Variants in SERPINI2 observed in about 807,000 individuals in gnomAD.
The protein encoded by SERPINI2 is serpin family I member 2.
A neutral mutation model predicts 47.3 loss-of-function variants in SERPINI2; 48 were observed. The ratio of observed to expected loss-of-function variants is 1.02; its 90% CI spans 0.81 to 1.29. The LOEUF is 1.29. SERPINI2 is among the 50% of genes most tolerant of loss of function. SERPINI2 has a pLI of 0.00. For missense variants in SERPINI2, 448 were observed against 456.9 expected (o/e 0.98, Z 0.18); for synonymous variants, 135 against 149.3 (o/e 0.90, Z 0.70).
At chr3:167,444,355 A>T (rs1217118244) in intron 8 of SERPINI2, among the ~76,000 whole-genome samples, 1 of 152,178 alleles carries the variant, frequency 6.6e-6, no homozygotes, top group Non-Finnish European at 1.5e-5. Flanking sequence ...GAAAATCCAA[A>T]TAATGGCTAG....
At position 167,470,550 on chromosome 3, in the gene SERPINI2, C is replaced by CTTTTTTTTTTTTTTT. The variant is rs536884425; in HGVS notation, c.247+1023_247+1037dup. Reference sequence around the variant, plus strand: ...AGATAGCTGAGGAGATGAGCAACAACTTTTTTTTTTTTTTTTTTTTTTTTT... The same window carrying CTTTTTTTTTTTTTTT: ...AGATAGCTGAGGAGATGAGCAACAACTTTTTTTTTTTTTTTTTTTTTTTTTTTTTTTTTTTTTTTT... On this transcript the variant is annotated intron_variant, in intron 2 of 8. Coordinates refer to ENST00000264677, the Ensembl canonical transcript of SERPINI2. Among the ~76,000 whole-genome samples, 90 of 93,030 alleles carry CTTTTTTTTTTTTTTT rather than the reference C, an allele frequency of 9.7e-4. 11 individuals carry two copies. The highest frequency in any genetic ancestry group is 4.9e-3 in the African/African-American group (87 of 17,620). 61.0% of individuals were successfully genotyped at this position (93,030 alleles called of 152,430 possible). A position where few individuals can be genotyped will look rare whatever the true frequency, so the allele number is the denominator to read the frequency against.
intron 7 of SERPINI2, among the ~76,000 whole-genome samples, chr3:167,449,041 A>G (rs907986861): frequency 2.0e-5 from 3 of 152,260 alleles, no homozygotes; most frequent in Non-Finnish European, 4.4e-5. Context: ...CACAAGTCCT[A>G]TCTGCTAATT....
At chr3:167,455,132 C>T (rs1408899503) in intron 5 of SERPINI2, among the ~76,000 whole-genome samples, 3 of 152,204 alleles carry the variant, frequency 2.0e-5, no homozygotes, top group Non-Finnish European at 4.4e-5. Context: ...GGTTCATTTT[C>T]CCTTTTCCTT....
At chr3:167,443,201 G>A (rs991465193) in intron 8 of SERPINI2, among the ~76,000 whole-genome samples, 4 of 152,108 alleles carry the variant, frequency 2.6e-5, no homozygotes, top group East Asian at 3.9e-4. Flanking sequence ...TCCGCCTCCC[G>A]GGTTCACGCC....
intron 5 of SERPINI2, among the ~76,000 whole-genome samples, chr3:167,457,473 C>A (rs770288060): frequency 6.6e-6 from 1 of 152,210 alleles, no homozygotes; most frequent in African/African-American, 2.4e-5. Flanking sequence ...TCAATAATTT[C>A]ACCAGTTCCT....
At chr3:167,459,525 G>A (rs903402041) in intron 5 of SERPINI2, among the ~76,000 whole-genome samples, 1 of 151,954 alleles carries the variant, frequency 6.6e-6, no homozygotes, top group Admixed American at 6.6e-5. Flanking sequence ...GGAAGCACTC[G>A]AGTATTTTGA....
At chr3:167,464,230 A>T (rs1161194763) in intron 5 of SERPINI2, among the ~76,000 whole-genome samples, 1 of 151,230 alleles carries the variant, frequency 6.6e-6, no homozygotes, top group African/African-American at 2.4e-5. Flanking sequence ...GCCAGTCTGG[A>T]CTCGAACTCC....
chr3:167,445,352 T>C (rs1749442599), intron 8 of SERPINI2, among the ~76,000 whole-genome samples: 1 of 152,204 alleles, frequency 6.6e-6, no homozygotes, highest in Non-Finnish European at 1.5e-5. Context: ...TCATTCATAT[T>C]TATTAATTTA....
chr3:167,446,436 A>G (rs746419909), exon 8 of SERPINI2: 7 of 1,610,762 alleles, frequency 4.3e-6, no homozygotes, highest in Non-Finnish European at 5.9e-6. Context: ...ATGATTTGCT[A>G]TAAATTGGCT....
At chr3:167,470,168 G>C (rs559219716) in intron 2 of SERPINI2, among the ~76,000 whole-genome samples, 1 of 152,082 alleles carries the variant, frequency 6.6e-6, no homozygotes, top group Non-Finnish European at 1.5e-5. Flanking sequence ...TGGTTTAAAC[G>C]TTTCTGGGAG....
chr3:167,473,588 A>T, intron 1 of SERPINI2: 1 of 382,256 alleles, frequency 2.6e-6, no homozygotes, highest in Non-Finnish European at 4.6e-6. Context: ...GTAGAATCTC[A>T]GTATTAGAGT....
chr3:167,449,391 C>T, exon 7 of SERPINI2: 5 of 1,608,384 alleles, frequency 3.1e-6, no homozygotes, highest in Non-Finnish European at 4.3e-6. Flanking sequence ...GAAACATACA[C>T]TTCAGATGAA....
chr3:167,450,867 T>C (rs1234014409), intron 6 of SERPINI2, among the ~76,000 whole-genome samples: 23 of 152,060 alleles, frequency 1.5e-4, no homozygotes, highest in Admixed American at 1.5e-3. Flanking sequence ...ATCCACTTAG[T>C]CTCCTTTGTT....
intron 5 of SERPINI2, among the ~76,000 whole-genome samples, chr3:167,459,026 C>T (rs560434781): frequency 3.5e-4 from 52 of 150,000 alleles, no homozygotes; most frequent in African/African-American, 5.3e-4. Flanking sequence ...AAGAATCTGG[C>T]GGCGTATAGC....
At position 167,447,317 on chromosome 3, in the gene SERPINI2, TA is replaced by T. The variant is rs535066927; in HGVS notation, c.1052-837del. On this transcript the variant is annotated intron_variant, in intron 7 of 8. Transcript: ENST00000264677. Reference sequence around the variant, plus strand: ...CCAGAATATCAAGGGTATACCTAAATAACCAGTGAATATAGGCTCATGTCTG... The same window carrying T: ...CCAGAATATCAAGGGTATACCTAAATACCAGTGAATATAGGCTCATGTCTG... 2.0e-3 allele frequency among the ~76,000 whole-genome samples: 300 copies of T among 152,318 alleles called. 2 individuals carry two copies. Among genetic ancestry groups the T allele is most frequent in the Non-Finnish European group, 2.4e-3 (160 of 68,016 alleles).
intron 1 of SERPINI2, among the ~76,000 whole-genome samples, chr3:167,472,370 C>T (rs149065393): frequency 4.5e-4 from 68 of 152,094 alleles, no homozygotes; most frequent in African/African-American, 1.3e-3. Flanking sequence ...ATTTTCCTCA[C>T]GCTTTATTTC....
intron 5 of SERPINI2, among the ~76,000 whole-genome samples, chr3:167,463,720 A>T (rs894185558): frequency 1.3e-5 from 2 of 152,206 alleles, no homozygotes; most frequent in African/African-American, 4.8e-5. Context: ...ATAAATTTTG[A>T]GGTGATTTCT....
chr3:167,449,716 C>A (rs1048776785), intron 6 of SERPINI2, among the ~76,000 whole-genome samples: 1 of 152,132 alleles, frequency 6.6e-6, no homozygotes, highest in Non-Finnish European at 1.5e-5. Flanking sequence ...TGGTCCCGAA[C>A]TCCTGACCTC....
intron 5 of SERPINI2, among the ~76,000 whole-genome samples, chr3:167,464,798 G>A (rs1042579486): frequency 3.9e-5 from 6 of 151,998 alleles, no homozygotes; most frequent in South Asian, 4.2e-4. Context: ...AGCACTGTCC[G>A]TCAAAGTGAT....
Sources: allele counts gnomAD v4.1 joint callset (sites outside exome capture counted in the v4.1 genomes callset), GRCh38; gene constraint gnomAD v4.1.1; transcripts MANE v1.5; gene names NCBI Gene and HGNC (gene_info 2026-07-23, HGNC 2026-07-21).